KALRN: variants seen among roughly 807,000 people sequenced by gnomAD.
KALRN encodes kalirin.
KALRN carries 70 observed loss-of-function variants against 353.7 expected under a neutral mutation model. The ratio of observed to expected loss-of-function variants is 0.20; its 90% confidence interval spans 0.16 to 0.24. The LOEUF (loss-of-function observed/expected upper bound fraction) is 0.24, where lower values mean the gene tolerates loss of function less well. KALRN is among the 10% of genes least tolerant of loss of function. The probability of loss-of-function intolerance (pLI) is 1.00; values close to 1 mark genes in which losing one functional copy is unlikely to be tolerated. For synonymous variants in KALRN, 1,391 were observed against 1,434.8 expected (o/e 0.97, Z 0.69); for missense variants, 2,791 against 3,756.7 (o/e 0.74, Z 6.72).
chr3:124,357,415 G>A lies in KALRN; in HGVS notation c.1770+10150G>A, dbSNP rs560644890. On this transcript the variant is annotated intron_variant, in intron 10 of 59. Transcript: ENST00000682506. ...ATAGATGGCTCCCCATCAGGATAAAGTTCAAACTCTTGATAATATAAACCC... is the reference window on the plus strand; with the variant it reads ...ATAGATGGCTCCCCATCAGGATAAAATTCAAACTCTTGATAATATAAACCC... Among the ~76,000 whole-genome samples the A allele has an allele frequency of 5.3e-5, 8 of 152,300 alleles. No individual in the cohort carries two copies. The South Asian group carries it at 1.7e-3, about 32-fold the overall frequency.
chr3:124,388,137 C>T (rs3755661), intron 11 of KALRN, among the ~76,000 whole-genome samples: 26,358 of 151,910 alleles, frequency 0.17, 2,347 homozygotes, highest in Admixed American at 0.2. Flanking sequence ...GATCTATTTT[C>T]TTATGCTTTG....
At position 124,373,822 on chromosome 3, in the gene KALRN, A is replaced by G. The variant is rs188365683; in HGVS notation, c.1771-11023A>G. ...TTATTTCCAAATAAGGTCACATTCT[A>G]AGGTACTGGGGTTAGAGCTACAGCA... On this transcript the variant is annotated intron_variant, in intron 10 of 59. Transcript: ENST00000682506. 1.2e-4 allele frequency among the ~76,000 whole-genome samples: 19 copies of G among 152,318 alleles called. No homozygotes were observed. In the East Asian group the frequency reaches 3.3e-3, roughly 26 times the overall value.
intron 33 of KALRN, 103 bp from the exon 34 acceptor site, chr3:124,562,740 G>GCT: frequency 9.4e-7 from 1 of 1,061,536 alleles, no homozygotes; most frequent in Non-Finnish European, 1.2e-6. Flanking sequence ...CCTTACCTCT[G>GCT]CTCTCACACA....
At position 124,234,891 on chromosome 3, in the gene KALRN, A is replaced by G. The variant is rs370661492; in HGVS notation, c.211A>G (p.Ile71Val). 9.3e-6 allele frequency: 15 copies of G among 1,609,424 alleles called. No individual in the cohort carries two copies. Among genetic ancestry groups the G allele is most frequent in the African/African-American group, 2.7e-5 (2 of 74,824 alleles). ...TFPARSNHDR[I>V]RQEDLRKLVT... ...CCCTGCTCGCAGCAATCATGACAGA[A>G]TAAGACAGGAAGACCTGCGGAAACT... The change falls in exon 3 of 60, where the codon ATA (isoleucine) becomes GTA (valine). Residue 71 changes from isoleucine (I) to valine (V), a missense_variant. Transcript: ENST00000682506.
At position 124,334,387 on chromosome 3, in the gene KALRN, G is replaced by A; in HGVS notation, c.1539G>A (p.Val513=). 6.2e-7 allele frequency: 1 copy of A among 1,614,230 alleles called. No individual in the cohort carries two copies. The highest frequency in any genetic ancestry group is 8.5e-7 in the Non-Finnish European group (1 of 1,180,014). ...CAGTGCACCAGGTGCTGGACGTGGT[G>A]CATGAGGTGTTACATCACCAGCGAC... ...SKAVHQVLDV[V]HEVLHHQRRL... The change falls in exon 9 of 60, where the codon GTG becomes GTA. Residue 513 remains valine, a synonymous_variant. Transcript: ENST00000682506. This position sits in a 1 kb window ranked among gnomAD's most constrained non-coding sequence, Gnocchi z 4.2.
chr3:124,446,794 T>C lies in KALRN; in HGVS notation c.3461T>C (p.Phe1154Ser). The C allele has an allele frequency of 6.2e-7, 1 of 1,614,030 alleles. No individual in the cohort carries two copies. The highest frequency in any genetic ancestry group is 8.5e-7 in the Non-Finnish European group (1 of 1,180,000). The change falls in exon 21 of 60, where the codon TTT becomes TCT. Residue 1154 changes from phenylalanine (F) to serine (S), a missense_variant. Phe to Ser is a radical substitution (Grantham distance 155). Transcript: ENST00000682506. ...GACTGGATCCAAGAAACAGGTGAAT[T>C]TTACCTCTCAACACATACCTCCACT... ...ALDWIQETGEFYLSTHTSTGE... is the reference protein window; with the variant it reads ...ALDWIQETGESYLSTHTSTGE...
chr3:124,306,489 A>G (rs139001010), intron 6 of KALRN, among the ~76,000 whole-genome samples: 48 of 152,324 alleles, frequency 3.2e-4, no homozygotes, highest in African/African-American at 1.1e-3. Flanking sequence ...CTTCAGGAAA[A>G]CATGAGACAC....
chr3:124,521,323 TAGTC>T (rs1488087061), intron 33 of KALRN, among the ~76,000 whole-genome samples: 4 of 152,158 alleles, frequency 2.6e-5, no homozygotes, highest in African/African-American at 9.7e-5. Flanking sequence ...AGACAGATAT[TAGTC>T]AAGTAACACA....
At chr3:124,676,876 G>A (rs924753274) in intron 49 of KALRN, among the ~76,000 whole-genome samples, 5 of 152,188 alleles carry the variant, frequency 3.3e-5, no homozygotes, top group African/African-American at 9.7e-5. Flanking sequence ...CTGGTATGCA[G>A]GGGACAGTAG....
At chr3:124,234,047 G>A (rs1256221828) in intron 2 of KALRN, among the ~76,000 whole-genome samples, 3 of 152,148 alleles carry the variant, frequency 2.0e-5, no homozygotes, top group African/African-American at 4.8e-5. Context: ...AAAAAGCAAC[G>A]ATCCAAAATC....
At chr3:124,147,835 C>T (rs1182588152) in intron 1 of KALRN, among the ~76,000 whole-genome samples, 1 of 152,184 alleles carries the variant, frequency 6.6e-6, no homozygotes, top group African/African-American at 2.4e-5. Context: ...CATATAGATG[C>T]TGTATGTTAT....
intron 10 of KALRN, among the ~76,000 whole-genome samples, chr3:124,374,737 C>T (rs765405900): frequency 2.0e-5 from 3 of 152,236 alleles, no homozygotes; most frequent in African/African-American, 7.2e-5. Context: ...CACCCACTCC[C>T]TCCCACTGCC....
rs1417088078 is a variant in KALRN at position 124,331,404 on chromosome 3, AAC to A, written c.1416+1415_1416+1416del. Among the ~76,000 whole-genome samples the A allele has an allele frequency of 2.6e-5, 4 of 152,302 alleles. No homozygotes were observed. In the East Asian group the frequency reaches 7.7e-4, roughly 29 times the overall value. On this transcript the variant is annotated intron_variant, in intron 8 of 59. Transcript: ENST00000682506. ...CTCACTTTTAAGTGGGAGCTAACCA[AAC>A]ACCACCTGTTCCCCAAAACTATTTA... is the stretch of plus-strand genomic sequence containing the variant.
chr3:124,628,545 CCTTTTCTTTCTTTT>C (rs1402237863), intron 34 of KALRN, among the ~76,000 whole-genome samples: 15 of 95,904 alleles, frequency 1.6e-4, no homozygotes, highest in East Asian at 4.9e-4. Context: ...TCCTTTCTTT[CCTTTTCTTTCTTTT>C]CTTTTCTTTT....
In KALRN at chr3:124,257,860, A is replaced by G. The variant is rs4678102; in HGVS notation, c.264-6638A>G. Among the ~76,000 whole-genome samples, 5,566 of 152,310 alleles carry G rather than the reference A, an allele frequency of 0.037. 699 individuals are homozygous for G. The East Asian group carries it at 0.45, about 12-fold the overall frequency. Reference sequence around the variant, plus strand: ...ATATTTTTAAATAAAAAATAAGGATATAAAAGTCTGCTGCTCCAAACTTCA... The same window carrying G: ...ATATTTTTAAATAAAAAATAAGGATGTAAAAGTCTGCTGCTCCAAACTTCA... On this transcript the variant is annotated intron_variant, in intron 3 of 59. Transcript: ENST00000682506.
chr3:124,623,311 T>A (rs1387371153), intron 34 of KALRN, among the ~76,000 whole-genome samples: 1 of 151,478 alleles, frequency 6.6e-6, no homozygotes, highest in Non-Finnish European at 1.5e-5. Flanking sequence ...TGCAGGTACC[T>A]TTTATTTGGT....
At chr3:124,422,469 T>C (rs1576795519) in intron 14 of KALRN, among the ~76,000 whole-genome samples, 1 of 152,290 alleles carries the variant, frequency 6.6e-6, no homozygotes, top group East Asian at 1.9e-4. Flanking sequence ...AGAGGCTTGT[T>C]TGTGAATATT....
At chr3:124,477,736 C>T (rs775065962) in intron 27 of KALRN, among the ~76,000 whole-genome samples, 3 of 152,132 alleles carry the variant, frequency 2.0e-5, no homozygotes, top group Non-Finnish European at 4.4e-5. Context: ...GAATCTCTTG[C>T]GGGGAGCCCA....
At chr3:124,417,530 G>C (rs921707942) in intron 14 of KALRN, among the ~76,000 whole-genome samples, 1 of 152,216 alleles carries the variant, frequency 6.6e-6, no homozygotes, top group Non-Finnish European at 1.5e-5. Flanking sequence ...GAAATCTCTG[G>C]AGTTTGTGGC....
Sources: gnomAD v4.1 joint callset for allele counts (sites outside exome capture counted in the v4.1 genomes callset) on GRCh38, gnomAD v4.1.1 for gene constraint, Gnocchi (gnomAD v3.1) non-coding constraint, MANE v1.5 for transcripts, NCBI Gene and HGNC (gene_info 2026-07-23, HGNC 2026-07-21) for gene names.